The following SPTA1 variants were observed in gnomAD, a reference collection of about 807,000 sequenced individuals.
SPTA1 encodes spectrin alpha, erythrocytic 1, also known as spectrin alpha chain, erythrocytic 1.
A neutral mutation model predicts 324.7 loss-of-function variants in SPTA1; 177 were observed. That is an observed-to-expected ratio of 0.55 (90% CI 0.48 to 0.62). SPTA1 has a LOEUF of 0.62. SPTA1 is among the 20% of genes least tolerant of loss of function. The pLI is 0.00. For synonymous variants in SPTA1, 1,195 were observed against 1,041.3 expected, an observed-to-expected ratio of 1.15 and a Z score of -2.84; for missense variants, 3,162 against 2,883.6, an observed-to-expected ratio of 1.10 and a Z score of -2.21.
intron 40 of SPTA1, 104 bp downstream of exon 40, chr1:158,627,521 A>G: frequency 8.9e-7 from 1 of 1,126,342 alleles, no homozygotes; most frequent in South Asian, 1.2e-5. Context: ...AGTTCTGCAT[A>G]TGATCTTAGC....
At chr1:158,614,096 A>C (rs778504579) in intron 49 of SPTA1, among the ~76,000 whole-genome samples, 157 bp downstream of exon 49, 33 of 152,176 alleles carry the variant, frequency 2.2e-4, no homozygotes, top group Admixed American at 2.2e-3. Context: ...TTGAAGTCTG[A>C]AAATCTCACA....
chr1:158,676,177 G>T lies in SPTA1; in HGVS notation c.1076C>A (p.Ala359Asp). Reference protein sequence around the residue: ...VSSWEHIRALATSRYEKLQAT... With the variant: ...VSSWEHIRALDTSRYEKLQAT... Reference sequence around the variant, plus strand: ...CTGCAGTTTTTCATATCTGCTGGTGGCCAGGGCACGAATATGCTCCCAGCT... The same window carrying T: ...CTGCAGTTTTTCATATCTGCTGGTGTCCAGGGCACGAATATGCTCCCAGCT... The change falls in exon 8 of 52, where the codon GCC becomes GAC. Residue 359 changes from alanine to aspartate, a missense_variant. Physicochemically the swap from Ala to Asp is moderately radical, Grantham distance 126. Coordinates refer to ENST00000643759, the MANE Select transcript of SPTA1 (RefSeq NM_003126.4). 4.3e-6 allele frequency: 7 copies of T among 1,613,634 alleles called. No homozygotes were observed. Among genetic ancestry groups the T allele is most frequent in the Non-Finnish European group, 5.9e-6 (7 of 1,179,752 alleles).
At chr1:158,665,026 T>A (rs1318970533) in intron 16 of SPTA1, among the ~76,000 whole-genome samples, 3 of 152,204 alleles carry the variant, frequency 2.0e-5, no homozygotes, top group African/African-American at 7.2e-5. Flanking sequence ...ACATTCTATA[T>A]CTAAAATTTC....
At chr1:158,647,006 T>C (rs1652042717) in intron 27 of SPTA1, among the ~76,000 whole-genome samples, 1 of 152,186 alleles carries the variant, frequency 6.6e-6, no homozygotes, top group African/African-American at 2.4e-5. Flanking sequence ...CTACTTCTCC[T>C]TACCACCCCC....
intron 3 of SPTA1, among the ~76,000 whole-genome samples, 174 bp downstream of exon 3, chr1:158,683,197 C>T (rs1219856713): frequency 6.6e-6 from 1 of 152,020 alleles, no homozygotes; most frequent in Non-Finnish European, 1.5e-5. Context: ...CTCTCTTCAC[C>T]CCAAGAAACA....
intron 49 of SPTA1, 82 bp from the exon 50 acceptor site, chr1:158,613,949 C>T (rs1649406078): frequency 8.9e-6 from 13 of 1,467,724 alleles, no homozygotes; most frequent in Middle Eastern, 2.3e-4. Flanking sequence ...TGTCTTATTG[C>T]GTCAGCTGAA....
chr1:158,626,163 T>G lies in SPTA1; in HGVS notation c.5893A>C (p.Thr1965Pro). Residue 1965 changes from threonine (T) to proline (P), a missense_variant, in exon 42 of 52, where the codon ACT becomes CCT. By Grantham distance (38) the Thr-to-Pro change is conservative. Coordinates refer to ENST00000643759, the MANE Select transcript of SPTA1 (RefSeq NM_003126.4). ...GNGADLGDFLTLLAKQDTLDA... is the reference protein window; with the variant it reads ...GNGADLGDFLPLLAKQDTLDA... The stretch of plus-strand genomic sequence containing the variant: ...AATCTCACCTGTTTTGCCAGAAGAG[T>G]GAGGAAGTCACCAAGGTCTGCACCA... 1 of 1,613,686 alleles carries G rather than the reference T, an allele frequency of 6.2e-7. No individual in the cohort carries two copies.
chr1:158,657,742 A>C, intron 18 of SPTA1, 48 bp from the exon 19 acceptor site: 21 of 1,564,502 alleles, frequency 1.3e-5, no homozygotes, highest in Non-Finnish European at 1.8e-5. Context: ...ATGAGTGTTT[A>C]CCATACTCTA....
rs1214950013 is a variant in SPTA1, at chr1:158,634,816, A to G, written c.5433-141T>C. On this transcript the variant is annotated intron_variant, in intron 38 of 51. Transcript: ENST00000643759. ...CAGTTGAAGTGGGCCTCAACACAGTATAATAGGTGCCTACTGCTCAGTGGT... is the reference window on the plus strand; with the variant it reads ...CAGTTGAAGTGGGCCTCAACACAGTGTAATAGGTGCCTACTGCTCAGTGGT... The G allele has an allele frequency of 1.4e-5, 13 of 901,030 alleles. No homozygotes were observed. The Admixed American group carries it at 2.0e-4, about 14-fold the overall frequency. 55.8% of individuals were successfully genotyped at this position (901,030 alleles called of 1,614,324 possible). A position where few individuals can be genotyped will look rare whatever the true frequency, so the allele number is the denominator to read the frequency against.
chr1:158,650,089 G>T, intron 24 of SPTA1, 142 bp from the exon 25 acceptor site: 1 of 707,796 alleles, frequency 1.4e-6, no homozygotes, highest in Non-Finnish European at 2.5e-6. Flanking sequence ...TTCTTTCTTG[G>T]ACAGCTTGAG....
chr1:158,655,647 C>T (rs1030329406), intron 20 of SPTA1, among the ~76,000 whole-genome samples: 5 of 152,196 alleles, frequency 3.3e-5, no homozygotes, highest in African/African-American at 1.2e-4. Flanking sequence ...CTTTTGTTTA[C>T]TCTGAATGTG....
Position 158,681,685 on chromosome 1 carries a change from A to C in SPTA1, c.391-18T>G, listed in dbSNP as rs1317868141. On this transcript the variant is annotated intron_variant, in intron 3 of 51. Transcript: ENST00000643759. The stretch of plus-strand genomic sequence containing the variant: ...ATATGGGCCTTTAGGAAAGAGGGGC[A>C]AAACCACTCAGCCACAGACACTGGG... The C allele has an allele frequency of 3.7e-6, 6 of 1,613,506 alleles. No homozygotes were observed. The highest frequency in any genetic ancestry group is 3.3e-4 in the Middle Eastern group (2 of 6,056).
Position 158,611,181 on chromosome 1 carries a change from C to T in SPTA1, c.*83G>A. On this transcript the variant is annotated 3_prime_UTR_variant, in exon 52 of 52. Transcript: ENST00000643759. ...CACACACACACGAGGCCATCTTTAT[C>T]TTCCACATTTGCCTGTACTCTTTGC... 7.3e-6 allele frequency: 11 copies of T among 1,504,076 alleles called. No individual in the cohort carries two copies. The highest frequency in any genetic ancestry group is 1.0e-5 in the Non-Finnish European group (11 of 1,089,312). 93.2% of individuals were successfully genotyped at this position (1,504,076 alleles called of 1,614,324 possible).
At chr1:158,661,162 G>A in intron 18 of SPTA1, 125 bp downstream of exon 18, 1 of 1,448,578 alleles carries the variant, frequency 6.9e-7, no homozygotes, top group South Asian at 1.2e-5. Flanking sequence ...AATGCCAAAA[G>A]AGCATTAAGT....
At chr1:158,611,920 G>T in intron 51 of SPTA1, 1 of 158,270 alleles carries the variant, frequency 6.3e-6, no homozygotes, top group Non-Finnish European at 1.4e-5. Flanking sequence ...TTAGCGTGTG[G>T]GTGGGTGGCT....
chr1:158,625,686 A>C (rs1650222786), intron 42 of SPTA1, among the ~76,000 whole-genome samples: 1 of 151,902 alleles, frequency 6.6e-6, no homozygotes, highest in African/African-American at 2.4e-5. Context: ...AATTAACTGA[A>C]TGATAAAAGA....
Position 158,686,547 on chromosome 1 carries a change from T to A in SPTA1, c.-30A>T. The stretch of plus-strand genomic sequence containing the variant: ...CCTAAAGGTTTAGAACCTGGCAAGA[T>A]AAAATGTGTCAGAGAGAGAGAGAGA... On this transcript the variant is annotated 5_prime_UTR_variant, in exon 1 of 52. Transcript: ENST00000643759. 4.6e-6 allele frequency: 7 copies of A among 1,528,978 alleles called. No homozygotes were observed. Among genetic ancestry groups the A allele is most frequent in the African/African-American group, 3.4e-5 (2 of 59,648 alleles). 94.7% of individuals were successfully genotyped at this position (1,528,978 alleles called of 1,614,324 possible). A position where few individuals can be genotyped will look rare whatever the true frequency, so the allele number is the denominator to read the frequency against.
rs947382182 is a variant in SPTA1, at chr1:158,680,627, C to T, written c.634G>A (p.Gly212Arg). The change falls in exon 5 of 52, where the codon GGG (glycine) becomes AGG (arginine). Residue 212 changes from glycine to arginine, a missense_variant. Physicochemically the swap from Gly to Arg is moderately radical, Grantham distance 125. Coordinates refer to ENST00000643759, the MANE Select transcript of SPTA1 (RefSeq NM_003126.4). ...DFQVELVAKE[G>R]RVVEVNQYAN... Reference sequence around the variant, plus strand: ...TATTGGTTCACTTCAACAACTCTCCCTTCTTTAGCTACCAGCTCCACTTGG... The same window carrying T: ...TATTGGTTCACTTCAACAACTCTCCTTTCTTTAGCTACCAGCTCCACTTGG... The T allele has an allele frequency of 6.2e-6, 10 of 1,613,814 alleles. No homozygotes were observed. Among genetic ancestry groups the T allele is most frequent in the Non-Finnish European group, 6.8e-6 (8 of 1,179,884 alleles).
rs985562104 is a variant in SPTA1 at position 158,614,321 on chromosome 1, A to G, written c.6789-15T>C. 2.5e-6 allele frequency: 4 copies of G among 1,574,884 alleles called. No individual in the cohort carries two copies. Among genetic ancestry groups the G allele is most frequent in the Middle Eastern group, 1.7e-4 (1 of 5,924 alleles). On this transcript the variant is annotated splice_polypyrimidine_tract_variant and intron_variant, in intron 48 of 51. Transcript: ENST00000643759. Reference sequence around the variant, plus strand: ...CTTTGATGTCCCTGAAAGAAAAAAAAAAAACATGAATTTTCCCTGTATATG... The same window carrying G: ...CTTTGATGTCCCTGAAAGAAAAAAAGAAAACATGAATTTTCCCTGTATATG...
Sources: gnomAD v4.1 joint callset for allele counts (sites outside exome capture counted in the v4.1 genomes callset) on GRCh38, gnomAD v4.1.1 for gene constraint, MANE v1.5 for transcripts, NCBI Gene and HGNC (gene_info 2026-07-23, HGNC 2026-07-21) for gene names.